The following ZFHX3 variants were observed in gnomAD, a reference collection of about 807,000 sequenced individuals.
The protein encoded by ZFHX3 is zinc finger homeobox 3.
Under a neutral mutation model 279.1 loss-of-function variants are expected in ZFHX3, and 42 were observed. The observed-to-expected ratio is 0.15, with a 90% CI of 0.12 to 0.19. The LOEUF (loss-of-function observed/expected upper bound fraction) is 0.19, where lower values mean the gene tolerates loss of function less well. ZFHX3 is among the 10% of genes least tolerant of loss of function. The probability of loss-of-function intolerance (pLI) is 1.00; values close to 1 mark genes in which losing one functional copy is unlikely to be tolerated. For synonymous variants in ZFHX3, 2,293 were observed against 1,957.8 expected (o/e 1.17, Z -4.52); for missense variants, 4,981 against 4,754.0 (o/e 1.05, Z -1.40).
In ZFHX3 at chr16:73,239,849, T is replaced by C. The variant is rs187849123; in HGVS notation, c.-1104+17198A>G. Among the ~76,000 whole-genome samples, 154 of 152,352 alleles carry C rather than the reference T, an allele frequency of 1.0e-3. 1 individual carries two copies. In the Middle Eastern group the frequency reaches 0.01, roughly 10 times the overall value. On this transcript the variant is annotated intron_variant, in intron 5 of 17. Transcript: ENST00000641206. ...CACTGATTCTTGTTATTTGCAGTAG[T>C]TATGCTCTGTAAAGTTGCCACAGAC...
intron 1 of ZFHX3, among the ~76,000 whole-genome samples, chr16:73,871,432 A>G (rs188696187): frequency 9.2e-5 from 14 of 152,202 alleles, no homozygotes; most frequent in Admixed American, 7.8e-4. Flanking sequence ...CGTGATTACA[A>G]TGGCTTATTT....
intron 1 of ZFHX3, among the ~76,000 whole-genome samples, chr16:73,883,032 A>T (rs76550992): frequency 7.0e-6 from 1 of 143,388 alleles, no homozygotes; most frequent in Non-Finnish European, 1.5e-5. Flanking sequence ...AAGCTTTTTA[A>T]AAAAAAAAAT....
intron 2 of ZFHX3, among the ~76,000 whole-genome samples, chr16:73,550,451 C>T (rs549990198): frequency 3.3e-5 from 5 of 152,266 alleles, no homozygotes; most frequent in East Asian, 3.9e-4. Flanking sequence ...GAACGCCCGC[C>T]GTCCCTGTGG....
chr16:72,854,207 C>A (rs1183247651), intron 4 of ZFHX3, among the ~76,000 whole-genome samples: 1 of 152,200 alleles, frequency 6.6e-6, no homozygotes. Context: ...TGCTTCTCTC[C>A]CTCCCCTGCC....
rs967800510 is a variant in ZFHX3 at position 73,695,360 on chromosome 16, C to T, written c.-1607-15120G>A. The stretch of plus-strand genomic sequence containing the variant: ...CAAGCAATTCTCCTGCCTCAGCCTC[C>T]CAAGTAGCTGAGATTATAGGCACCC... On this transcript the variant is annotated intron_variant, in intron 1 of 17. Transcript: ENST00000641206. Among the ~76,000 whole-genome samples, 19 of 151,832 alleles carry T rather than the reference C, an allele frequency of 1.3e-4. 1 individual carries two copies. Among genetic ancestry groups the T allele is most frequent in the African/African-American group, 4.3e-4 (18 of 41,446 alleles).
chr16:73,390,146 G>T (rs1295984135), intron 3 of ZFHX3, among the ~76,000 whole-genome samples: 1 of 151,936 alleles, frequency 6.6e-6, no homozygotes, highest in Non-Finnish European at 1.5e-5. Context: ...GCTTCTCCAG[G>T]TTAAAAAATA....
intron 3 of ZFHX3, among the ~76,000 whole-genome samples, chr16:73,433,269 T>A (rs1331597147): frequency 6.6e-6 from 1 of 152,178 alleles, no homozygotes; most frequent in Non-Finnish European, 1.5e-5. Flanking sequence ...TCCACCCCCT[T>A]GTTCTCCCAG....
intron 3 of ZFHX3, among the ~76,000 whole-genome samples, chr16:73,451,138 T>C (rs1273415692): frequency 6.6e-6 from 1 of 152,138 alleles, no homozygotes; most frequent in Non-Finnish European, 1.5e-5. Flanking sequence ...GTGGGTGAGA[T>C]GAGATCAGTC....
intron 1 of ZFHX3, among the ~76,000 whole-genome samples, chr16:73,835,248 C>T (rs1402355338): frequency 1.3e-5 from 2 of 152,040 alleles, no homozygotes; most frequent in East Asian, 3.9e-4. Flanking sequence ...TCTAAGAGAC[C>T]TAGGATGGAA....
rs532810276 is a variant in ZFHX3 at position 73,540,764 on chromosome 16, C to A, written c.-1546-84506G>T. ...ACATACTCCTCAATGGCAACCAAGACTGTGAACACCATATTTGCCAATTCC... is the reference window on the plus strand; with the variant it reads ...ACATACTCCTCAATGGCAACCAAGAATGTGAACACCATATTTGCCAATTCC... On this transcript the variant is annotated intron_variant, in intron 2 of 17. Coordinates refer to the ZFHX3 transcript ENST00000641206. Among the ~76,000 whole-genome samples, 14 of 152,304 alleles carry A rather than the reference C, an allele frequency of 9.2e-5. No homozygotes were observed. In the Middle Eastern group the frequency reaches 0.02, roughly 222 times the overall value.
At chr16:73,141,024 C>T (rs1302979237) in intron 6 of ZFHX3, among the ~76,000 whole-genome samples, 1 of 152,212 alleles carries the variant, frequency 6.6e-6, no homozygotes, top group African/African-American at 2.4e-5. Flanking sequence ...ATAGCATAAT[C>T]TTGTAATATG....
chr16:73,186,221 G>T (rs8046390), intron 5 of ZFHX3, among the ~76,000 whole-genome samples: 4,300 of 152,182 alleles, frequency 0.028, 209 homozygotes, highest in African/African-American at 0.099. Context: ...AATGGAACAT[G>T]CTTGAATCAC....
chr16:73,577,871 G>A (rs1051387420), intron 2 of ZFHX3, among the ~76,000 whole-genome samples: 1 of 152,196 alleles, frequency 6.6e-6, no homozygotes, highest in African/African-American at 2.4e-5. Flanking sequence ...AAACGTCATA[G>A]TTACAAACAC....
chr16:73,751,436 T>G (rs545593437), intron 1 of ZFHX3, among the ~76,000 whole-genome samples: 33 of 152,312 alleles, frequency 2.2e-4, no homozygotes, highest in Middle Eastern at 3.4e-3. Context: ...AAAATATGCA[T>G]GTATATTCTC....
intron 2 of ZFHX3, 112 bp downstream of exon 2, chr16:72,957,315 C>A (rs1961295890): frequency 7.6e-7 from 1 of 1,316,696 alleles, no homozygotes; most frequent in Non-Finnish European, 1.0e-6. Flanking sequence ...TACACAAAAA[C>A]CACTCGAGAA....
chr16:73,553,612 A>G (rs2020234182), intron 2 of ZFHX3, among the ~76,000 whole-genome samples: 1 of 152,170 alleles, frequency 6.6e-6, no homozygotes, highest in Admixed American at 6.5e-5. Flanking sequence ...CTCCAATGTC[A>G]CTGGTCACAA....
chr16:73,060,304 A>T (rs1965665209), upstream of ZFHX3: 1 of 150,964 alleles, frequency 6.6e-6, no homozygotes, highest in East Asian at 2.0e-4. Flanking sequence ...TTGAAATGAG[A>T]GGATGGATTT....
intron 2 of ZFHX3, among the ~76,000 whole-genome samples, chr16:73,533,945 G>T (rs2019850568): frequency 6.6e-6 from 1 of 152,116 alleles, no homozygotes; most frequent in South Asian, 2.1e-4. Flanking sequence ...AATAGCCCTT[G>T]ATCTGCCCTT....
chr16:73,482,117 G>A (rs748840249), intron 2 of ZFHX3, among the ~76,000 whole-genome samples: 8 of 152,138 alleles, frequency 5.3e-5, no homozygotes, highest in Non-Finnish European at 7.4e-5. Flanking sequence ...TATACGAGTG[G>A]AAAAATGAAG....
Sources: gnomAD v4.1 joint callset for allele counts (sites outside exome capture counted in the v4.1 genomes callset) on GRCh38, gnomAD v4.1.1 for gene constraint, MANE v1.5 for transcripts, NCBI Gene and HGNC (gene_info 2026-07-23, HGNC 2026-07-21) for gene names.